MALRD1: variants seen among roughly 807,000 people sequenced by gnomAD.
The protein encoded by MALRD1 is MAM and LDL-receptor class A domain-containing protein 1.
A neutral mutation model predicts 242.1 loss-of-function variants in MALRD1; 247 were observed. That is an observed-to-expected ratio of 1.02 (90% CI 0.92 to 1.13). MALRD1 has a LOEUF of 1.13. MALRD1 is among the 50% of genes most tolerant of loss of function. The pLI is 0.00. For synonymous variants in MALRD1, 995 were observed against 866.6 expected, an observed-to-expected ratio of 1.15 and a Z score of -2.60; for missense variants, 2,989 against 2,533.1, an observed-to-expected ratio of 1.18 and a Z score of -3.86.
chr10:19,530,471 T>TA (rs1834359815), intron 31 of MALRD1, among the ~76,000 whole-genome samples: 1 of 134,980 alleles, frequency 7.4e-6, no homozygotes, highest in Non-Finnish European at 1.6e-5. Context: ...TAATAAATAA[T>TA]TATATAATAT....
At chr10:19,222,266 G>A (rs1028096740) in intron 18 of MALRD1, among the ~76,000 whole-genome samples, 2 of 152,056 alleles carry the variant, frequency 1.3e-5, no homozygotes, top group African/African-American at 4.8e-5. Flanking sequence ...CACCCAGACT[G>A]TTGACTAGAT....
At chr10:19,596,652 G>A (rs546683261) in intron 34 of MALRD1, among the ~76,000 whole-genome samples, 1 of 152,074 alleles carries the variant, frequency 6.6e-6, no homozygotes, top group African/African-American at 2.4e-5. Context: ...GATTGCTTGG[G>A]CCCAGGAGTT....
At chr10:19,053,817 T>TA (rs1175752342) in intron 1 of MALRD1, among the ~76,000 whole-genome samples, 2 of 151,608 alleles carry the variant, frequency 1.3e-5, no homozygotes, top group African/African-American at 2.4e-5. Flanking sequence ...ACCTGTGCAT[T>TA]AAAAAAAAGA....
intron 2 of MALRD1, among the ~76,000 whole-genome samples, chr10:19,075,250 A>G (rs1053120801): frequency 3.9e-5 from 6 of 152,034 alleles, no homozygotes; most frequent in African/African-American, 1.4e-4. Flanking sequence ...CCCGTCCCCA[A>G]TTTCCTATCC....
intron 21 of MALRD1, among the ~76,000 whole-genome samples, chr10:19,287,710 C>G (rs918971227): frequency 2.6e-5 from 4 of 152,064 alleles, no homozygotes; most frequent in Admixed American, 6.6e-5. Context: ...AATTTAAAAA[C>G]TATACCATAT....
At chr10:19,309,467 G>C (rs1842343678) in intron 21 of MALRD1, among the ~76,000 whole-genome samples, 1 of 151,440 alleles carries the variant, frequency 6.6e-6, no homozygotes, top group Non-Finnish European at 1.5e-5. Flanking sequence ...ATCTGTAGTA[G>C]TGTTATGGGC....
intron 26 of MALRD1, among the ~76,000 whole-genome samples, chr10:19,382,943 T>C (rs1425744656): frequency 1.3e-5 from 2 of 152,170 alleles, no homozygotes; most frequent in African/African-American, 2.4e-5. Context: ...TTATATGACT[T>C]ACTACAATTT....
intron 29 of MALRD1, among the ~76,000 whole-genome samples, chr10:19,459,654 T>C (rs1835834985): frequency 6.6e-6 from 1 of 152,072 alleles, no homozygotes; most frequent in Admixed American, 6.6e-5. Flanking sequence ...TTTAACATTG[T>C]ATTCAAGTAA....
chr10:19,269,839 CT>C (rs1255320850), intron 19 of MALRD1, among the ~76,000 whole-genome samples: 1 of 152,150 alleles, frequency 6.6e-6, no homozygotes, highest in Non-Finnish European at 1.5e-5. Context: ...AATGTTTTTG[CT>C]TAGAGTAGTT....
At chr10:19,190,267 TA>T (rs1302500870) in intron 14 of MALRD1, among the ~76,000 whole-genome samples, 1 of 151,718 alleles carries the variant, frequency 6.6e-6, no homozygotes, top group Non-Finnish European at 1.5e-5. Flanking sequence ...ACTTGTACAA[TA>T]AAAAATAAAA....
At chr10:19,467,611 T>G (rs1589124440) in intron 29 of MALRD1, among the ~76,000 whole-genome samples, 5 of 151,718 alleles carry the variant, frequency 3.3e-5, no homozygotes, top group African/African-American at 9.7e-5. Flanking sequence ...ACAATAATGC[T>G]GCAGTCCTCA....
chr10:19,675,620 TGTAA>T (rs1256831367), intron 36 of MALRD1, among the ~76,000 whole-genome samples: 2 of 152,188 alleles, frequency 1.3e-5, no homozygotes, highest in Non-Finnish European at 2.9e-5. Context: ...ATGCTAAAAT[TGTAA>T]GTGATTATTT....
chr10:19,562,991 T>C (rs1836064627), intron 32 of MALRD1, among the ~76,000 whole-genome samples: 1 of 152,204 alleles, frequency 6.6e-6, no homozygotes. Context: ...ACTGCTCTAA[T>C]GGATCTAAAA....
intron 19 of MALRD1, among the ~76,000 whole-genome samples, chr10:19,279,532 G>T (rs1840703823): frequency 6.6e-6 from 1 of 152,162 alleles, no homozygotes; most frequent in Admixed American, 6.5e-5. Context: ...AGTAATTTCA[G>T]AAATTGTAAT....
At chr10:19,052,698 G>C (rs1343420704) in intron 1 of MALRD1, among the ~76,000 whole-genome samples, 1 of 150,018 alleles carries the variant, frequency 6.7e-6, no homozygotes, top group Non-Finnish European at 1.5e-5. Flanking sequence ...GGGGTGCTTT[G>C]CCTGCACCCC....
intron 29 of MALRD1, among the ~76,000 whole-genome samples, chr10:19,471,447 CT>C (rs144215013): frequency 1.3e-5 from 2 of 151,380 alleles, no homozygotes; most frequent in East Asian, 1.9e-4. Flanking sequence ...AATTTTAGGA[CT>C]TTTTTTTCTA....
chr10:19,684,948 G>C (rs923165422), intron 36 of MALRD1, among the ~76,000 whole-genome samples: 1 of 152,152 alleles, frequency 6.6e-6, no homozygotes, highest in Non-Finnish European at 1.5e-5. Flanking sequence ...TACAGAATTA[G>C]TAAATCTGCA....
At chr10:19,524,255 C>T (rs924129113) in intron 31 of MALRD1, among the ~76,000 whole-genome samples, 63 of 152,222 alleles carry the variant, frequency 4.1e-4, no homozygotes, top group African/African-American at 1.4e-3. Context: ...GGTGGTGGAT[C>T]ACCTGAGGTC....
chr10:19,334,872 C>T (rs577504424), intron 24 of MALRD1, among the ~76,000 whole-genome samples: 22 of 152,078 alleles, frequency 1.4e-4, no homozygotes, highest in Middle Eastern at 3.4e-3. Context: ...TGTAATGTTT[C>T]CAGTGTATCT....
Sources: gnomAD v4.1 joint callset for allele counts (sites outside exome capture counted in the v4.1 genomes callset) on GRCh38, gnomAD v4.1.1 for gene constraint, MANE v1.5 for transcripts, NCBI Gene and HGNC (gene_info 2026-07-23, HGNC 2026-07-21) for gene names.